TBCK: variants seen among roughly 807,000 people sequenced by gnomAD.
The protein encoded by TBCK is TBC1 domain containing kinase.
In TBCK, 99 loss-of-function variants were observed where a neutral mutation model predicts 113.4. That is an observed-to-expected ratio of 0.87 (90% CI 0.74 to 1.03). The LOEUF (loss-of-function observed/expected upper bound fraction) is 1.03, where lower values mean the gene tolerates loss of function less well. TBCK is among the 50% of genes least tolerant of loss of function. The pLI, the probability that TBCK is intolerant of heterozygous loss-of-function variation, is 0.00. For synonymous variants in TBCK, 369 were observed against 370.8 expected (o/e 1.00, Z 0.05); for missense variants, 1,045 against 1,061.3 (o/e 0.98, Z 0.21).
chr4:106,125,734 T>C (rs2149602311), intron 23 of TBCK, among the ~76,000 whole-genome samples: 1 of 149,448 alleles, frequency 6.7e-6, no homozygotes, highest in South Asian at 2.1e-4. Context: ...AGGGGGAGAG[T>C]GGTGGGGTGG....
At chr4:106,075,642 G>A (rs1738097164) in intron 25 of TBCK, among the ~76,000 whole-genome samples, 1 of 152,158 alleles carries the variant, frequency 6.6e-6, no homozygotes, top group African/African-American at 2.4e-5. Context: ...TGAAAGAAAT[G>A]AGTTACCTAT....
chr4:106,077,489 A>G (rs182779376), intron 25 of TBCK, among the ~76,000 whole-genome samples: 2 of 152,358 alleles, frequency 1.3e-5, no homozygotes, highest in Admixed American at 1.3e-4. Flanking sequence ...TTAGGTAAAT[A>G]GAAAACAGAA....
At chr4:106,253,988 G>C (rs1253399528) in intron 5 of TBCK, among the ~76,000 whole-genome samples, 1 of 152,200 alleles carries the variant, frequency 6.6e-6, no homozygotes, top group Admixed American at 6.5e-5. Context: ...CCTCCTATCA[G>C]GGATCACACA....
At chr4:106,098,951 A>T (rs1356534329) in intron 24 of TBCK, among the ~76,000 whole-genome samples, 1 of 152,086 alleles carries the variant, frequency 6.6e-6, no homozygotes, top group Admixed American at 6.6e-5. Context: ...AGACAGATTT[A>T]AAAAATTACT....
At chr4:106,241,036 A>T (rs1253435595) in intron 12 of TBCK, among the ~76,000 whole-genome samples, 2 of 152,038 alleles carry the variant, frequency 1.3e-5, no homozygotes, top group Non-Finnish European at 2.9e-5. Context: ...TTGCTAATAG[A>T]TCATATCAAT....
rs534837527 is a variant in TBCK at position 106,127,200 on chromosome 4, C to G, written c.2236-10822G>C. 2.4e-5 allele frequency among the ~76,000 whole-genome samples: 3 copies of G among 124,846 alleles called. No individual in the cohort carries two copies. The South Asian group carries it at 8.1e-4, about 34-fold the overall frequency. 81.9% of individuals were successfully genotyped at this position (124,846 alleles called of 152,430 possible). ...TCCAGCCTGGTGACAGAGCAAGACT[C>G]CGTCTCAAAAAAAAAAAAAAAAAAA... On this transcript the variant is annotated intron_variant, in intron 23 of 25. Coordinates refer to ENST00000394708, the MANE Select transcript of TBCK (RefSeq NM_001163435.3).
chr4:106,129,081 A>C (rs1157396496), intron 23 of TBCK, among the ~76,000 whole-genome samples: 1 of 152,210 alleles, frequency 6.6e-6, no homozygotes. Context: ...GTTAACTGGA[A>C]GAAAGTAAAA....
intron 23 of TBCK, among the ~76,000 whole-genome samples, chr4:106,144,749 C>T (rs977421825): frequency 1.3e-5 from 2 of 151,996 alleles, no homozygotes; most frequent in Non-Finnish European, 2.9e-5. Flanking sequence ...TTGGGCTGGG[C>T]ATGGTGGCTC....
rs192327877 is a variant in TBCK, at chr4:106,171,972, A to G, written c.2060-702T>C. Reference sequence around the variant, plus strand: ...CAGCCTTCCTAGAAGCTGGGATTACAGGCCTATGCCACAACACCCGGCTAA... The same window carrying G: ...CAGCCTTCCTAGAAGCTGGGATTACGGGCCTATGCCACAACACCCGGCTAA... On this transcript the variant is annotated intron_variant, in intron 22 of 25. Transcript: ENST00000394708. 3.9e-3 allele frequency among the ~76,000 whole-genome samples: 587 copies of G among 152,164 alleles called. 5 individuals are homozygous for G. Among genetic ancestry groups the G allele is most frequent in the African/African-American group, 0.013 (559 of 41,532 alleles).
chr4:106,258,886 A>G (rs1762247630), intron 5 of TBCK, among the ~76,000 whole-genome samples: 1 of 151,872 alleles, frequency 6.6e-6, no homozygotes, highest in South Asian at 2.1e-4. Flanking sequence ...TTTTGAACAA[A>G]TAAGAAATTG....
intron 23 of TBCK, among the ~76,000 whole-genome samples, chr4:106,142,945 CAT>C (rs1747303851): frequency 6.6e-6 from 1 of 152,210 alleles, no homozygotes; most frequent in South Asian, 2.1e-4. Flanking sequence ...TGTGTCAAGG[CAT>C]AGCCCTGATG....
At chr4:106,077,987 A>G (rs1355017391) in intron 25 of TBCK, among the ~76,000 whole-genome samples, 8 of 152,192 alleles carry the variant, frequency 5.3e-5, no homozygotes, top group Admixed American at 2.0e-4. Flanking sequence ...ACAGCAATCA[A>G]TACTAAGATC....
At chr4:106,312,009 T>TAGG (rs1325221217) in intron 1 of TBCK, among the ~76,000 whole-genome samples, 4 of 152,260 alleles carry the variant, frequency 2.6e-5, no homozygotes, top group Middle Eastern at 3.4e-3. Flanking sequence ...AACCTTAGGC[T>TAGG]AGGCAAAGAT....
chr4:106,100,386 A>G (rs2149528464), intron 24 of TBCK, among the ~76,000 whole-genome samples: 1 of 152,224 alleles, frequency 6.6e-6, no homozygotes, highest in East Asian at 1.9e-4. Context: ...TGGCACCAGT[A>G]TCTAACAATG....
rs1346740230 is a variant in TBCK, at chr4:106,136,653, G to C, written c.2236-20275C>G. On this transcript the variant is annotated intron_variant, in intron 23 of 25. Transcript: ENST00000394708. Reference sequence around the variant, plus strand: ...CCCACCAACTTAACCTGGTATGAATGATGCAGAAAGTTCAGTCAGCATCCT... The same window carrying C: ...CCCACCAACTTAACCTGGTATGAATCATGCAGAAAGTTCAGTCAGCATCCT... 1.4e-5 allele frequency among the ~76,000 whole-genome samples: 2 copies of C among 140,412 alleles called. 1 individual carries two copies. Among genetic ancestry groups the C allele is most frequent in the Non-Finnish European group, 3.2e-5 (2 of 61,890 alleles). 92.1% of individuals were successfully genotyped at this position (140,412 alleles called of 152,430 possible).
At chr4:106,113,564 A>G (rs1470511103) in intron 24 of TBCK, among the ~76,000 whole-genome samples, 1 of 152,186 alleles carries the variant, frequency 6.6e-6, no homozygotes, top group Non-Finnish European at 1.5e-5. Flanking sequence ...TTTGGATTCC[A>G]GCACGATCCA....
chr4:106,179,037 T>C (rs1752020090), intron 22 of TBCK, among the ~76,000 whole-genome samples: 1 of 152,056 alleles, frequency 6.6e-6, no homozygotes, highest in African/African-American at 2.4e-5. Context: ...TTGTTCATAA[T>C]AGTCTCTAAT....
At chr4:106,127,946 G>A (rs535111118) in intron 23 of TBCK, among the ~76,000 whole-genome samples, 1 of 151,988 alleles carries the variant, frequency 6.6e-6, no homozygotes, top group East Asian at 1.9e-4. Flanking sequence ...GACAAGGATA[G>A]CACTACACAC....
intron 20 of TBCK, among the ~76,000 whole-genome samples, chr4:106,205,807 A>G (rs1222166686): frequency 2.0e-5 from 3 of 151,406 alleles, no homozygotes; most frequent in African/African-American, 7.3e-5. Context: ...TGCTCTGAGA[A>G]GTTTAAGAAA....
Sources: gnomAD v4.1 joint callset for allele counts (sites outside exome capture counted in the v4.1 genomes callset) on GRCh38, gnomAD v4.1.1 for gene constraint, MANE v1.5 for transcripts, NCBI Gene and HGNC (gene_info 2026-07-23, HGNC 2026-07-21) for gene names.